The following DDC variants were observed in gnomAD, a reference collection of about 807,000 sequenced individuals.
DDC encodes the protein dopa decarboxylase, also known as aromatic-L-amino-acid decarboxylase.
Under a neutral mutation model 60.0 loss-of-function variants are expected in DDC, and 43 were observed. The ratio of observed to expected loss-of-function variants is 0.72; its 90% CI spans 0.56 to 0.92. The LOEUF (loss-of-function observed/expected upper bound fraction) is 0.92. Among genes scored for constraint, DDC ranks in the 40% least tolerant of loss-of-function variants. The pLI is 0.00. For synonymous variants in DDC, 232 were observed against 234.6 expected (o/e 0.99, Z 0.10); for missense variants, 573 against 620.2 (o/e 0.92, Z 0.81).
At chr7:50,496,301 C>G (rs2043126139) in intron 8 of DDC, among the ~76,000 whole-genome samples, 2 of 152,128 alleles carry the variant, frequency 1.3e-5, no homozygotes, top group Non-Finnish European at 1.5e-5. Context: ...GTTGCCCAGG[C>G]TGATCTCGAA....
chr7:50,519,752 G>A (rs967125544), intron 6 of DDC, among the ~76,000 whole-genome samples: 14 of 151,836 alleles, frequency 9.2e-5, no homozygotes, highest in East Asian at 1.9e-4. Flanking sequence ...GAGTGGGAGC[G>A]GGGGTGAGGA....
intron 4 of DDC, chr7:50,531,775 A>G (rs1175697351): frequency 2.0e-5 from 3 of 152,116 alleles, no homozygotes; most frequent in African/African-American, 7.2e-5. Context: ...CTGGCAGCAG[A>G]TCTTCGCGGA....
rs5884158 is a variant in DDC, at chr7:50,553,484, C to CTTTTTT, written c.-28-9377_-28-9372dup. Among the ~76,000 whole-genome samples, 838 of 90,868 alleles carry CTTTTTT rather than the reference C, an allele frequency of 9.2e-3. 2 individuals carry two copies. The highest frequency in any genetic ancestry group is 0.013 in the East Asian group (42 of 3,346). The allele number at this position is 90,868 out of a possible 152,430, so 59.6% of individuals were successfully genotyped here. A position where few individuals can be genotyped will look rare whatever the true frequency, so the allele number is the denominator to read the frequency against. ...TTTTTTCTTTTCTTTTCTTTCTTTTCTTTTTTTTTTTTTTTTTTTTGAGAT... is the reference window on the plus strand; with the variant it reads ...TTTTTTCTTTTCTTTTCTTTCTTTTCTTTTTTTTTTTTTTTTTTTTTTTTTTGAGAT... On this transcript the variant is annotated intron_variant, in intron 1 of 14. Transcript: ENST00000444124.
intron 9 of DDC, among the ~76,000 whole-genome samples, chr7:50,486,522 T>C (rs933675629): frequency 1.3e-5 from 2 of 152,240 alleles, no homozygotes; most frequent in Non-Finnish European, 2.9e-5. Flanking sequence ...TAAGCTGACC[T>C]GGTTTAAATC....
At chr7:50,519,008 T>C (rs1437622720) in intron 6 of DDC, among the ~76,000 whole-genome samples, 4 of 152,088 alleles carry the variant, frequency 2.6e-5, no homozygotes, top group Admixed American at 6.5e-5. Flanking sequence ...AGGACTAATA[T>C]CTAGAATCTA....
chr7:50,476,541 G>A, intron 11 of DDC, 83 bp downstream of exon 11: 3 of 1,250,446 alleles, frequency 2.4e-6, no homozygotes, highest in South Asian at 2.4e-5. Context: ...TCATGAGAGT[G>A]GGGGAGGAGA....
chr7:50,531,274 A>T (rs533731519), intron 4 of DDC, among the ~76,000 whole-genome samples: 38 of 151,994 alleles, frequency 2.5e-4, no homozygotes, highest in Non-Finnish European at 4.3e-4. Context: ...CCTTACTTAC[A>T]CTTCTCCTAT....
At chr7:50,523,374 A>G (rs2043952137) in intron 6 of DDC, among the ~76,000 whole-genome samples, 1 of 152,184 alleles carries the variant, frequency 6.6e-6, no homozygotes, top group Non-Finnish European at 1.5e-5. Flanking sequence ...TGTTTAAAGG[A>G]TGAAATGACA....
chr7:50,537,651 G>A (rs2044464119), intron 4 of DDC, among the ~76,000 whole-genome samples: 1 of 152,166 alleles, frequency 6.6e-6, no homozygotes, highest in South Asian at 2.1e-4. Flanking sequence ...CCCTGCCCTG[G>A]GGAAGCGAGT....
intron 4 of DDC, among the ~76,000 whole-genome samples, chr7:50,535,748 C>A (rs191160138): frequency 6.6e-6 from 1 of 152,314 alleles, no homozygotes; most frequent in African/African-American, 2.4e-5. Context: ...ACCCTCATTC[C>A]CAGAGATTTC....
At chr7:50,528,839 C>T (rs2044115212) in intron 5 of DDC, among the ~76,000 whole-genome samples, 1 of 152,112 alleles carries the variant, frequency 6.6e-6, no homozygotes, top group Non-Finnish European at 1.5e-5. Context: ...TCCTGCTTGA[C>T]GCTACCCAGG....
rs114160880 is a variant in DDC, at chr7:50,503,086, G to A, written c.781+907C>T. Among the ~76,000 whole-genome samples, 405 of 152,358 alleles carry A rather than the reference G, an allele frequency of 2.7e-3. 2 individuals are homozygous for A. Among genetic ancestry groups the A allele is most frequent in the African/African-American group, 9.2e-3 (384 of 41,586 alleles). On this transcript the variant is annotated intron_variant, in intron 7 of 14. Transcript: ENST00000444124. ...TGGACTATGGGTGACTCTTGGGTTAGGAGAGGTGAGAACTGTGCTTGGCTT... is the reference window on the plus strand; with the variant it reads ...TGGACTATGGGTGACTCTTGGGTTAAGAGAGGTGAGAACTGTGCTTGGCTT...
intron 11 of DDC, among the ~76,000 whole-genome samples, chr7:50,474,688 A>G (rs2042603599): frequency 6.6e-6 from 1 of 152,244 alleles, no homozygotes; most frequent in African/African-American, 2.4e-5. Context: ...CCTTTGAAAG[A>G]CAGTGCCAAG....
intron 6 of DDC, among the ~76,000 whole-genome samples, chr7:50,512,424 C>T (rs1026954036): frequency 4.6e-5 from 7 of 152,276 alleles, no homozygotes; most frequent in Admixed American, 1.3e-4. Context: ...TATTTTGAAA[C>T]TCTGGGGTCT....
chr7:50,534,551 C>G (rs1045258806), intron 4 of DDC, among the ~76,000 whole-genome samples: 1 of 151,666 alleles, frequency 6.6e-6, no homozygotes, highest in Non-Finnish European at 1.5e-5. Context: ...GAGCTGAGAT[C>G]GTGCCACTGC....
intron 1 of DDC, among the ~76,000 whole-genome samples, chr7:50,550,915 A>G (rs1178777170): frequency 6.6e-6 from 1 of 152,244 alleles, no homozygotes; most frequent in Non-Finnish European, 1.5e-5. Flanking sequence ...TTGTGTAACA[A>G]CTAAATAAAT....
At chr7:50,488,273 TA>T (rs568166909) in intron 9 of DDC, among the ~76,000 whole-genome samples, 169 of 151,144 alleles carry the variant, frequency 1.1e-3, no homozygotes, top group Non-Finnish European at 1.6e-3. Context: ...ATTTCCAATT[TA>T]AAAAAAAATA....
intron 6 of DDC, among the ~76,000 whole-genome samples, chr7:50,508,651 G>T (rs902464333): frequency 6.6e-6 from 1 of 152,174 alleles, no homozygotes; most frequent in Admixed American, 6.5e-5. Context: ...TCAGCAGCAA[G>T]TCTTCAATTT....
At chr7:50,523,166 G>C (rs1008972265) in intron 6 of DDC, among the ~76,000 whole-genome samples, 4 of 152,074 alleles carry the variant, frequency 2.6e-5, no homozygotes, top group African/African-American at 9.7e-5. Context: ...ACTGAAAATA[G>C]ATCATAGACC....
Sources: allele counts gnomAD v4.1 joint callset (sites outside exome capture counted in the v4.1 genomes callset), GRCh38; gene constraint gnomAD v4.1.1; transcripts MANE v1.5; gene names NCBI Gene and HGNC (gene_info 2026-07-23, HGNC 2026-07-21).